The following NBEA variants were observed in gnomAD, a reference collection of about 807,000 sequenced individuals.
The protein encoded by NBEA is lysosomal-trafficking regulator 2.
Under a neutral mutation model 343.4 loss-of-function variants are expected in NBEA, and 44 were observed. The observed-to-expected ratio is 0.13, with a 90% CI of 0.10 to 0.16. NBEA has a LOEUF of 0.16. NBEA is among the 10% of genes least tolerant of loss of function. The pLI, the probability that NBEA is intolerant of heterozygous loss-of-function variation, is 1.00. For synonymous variants in NBEA, 1,175 were observed against 1,238.7 expected (o/e 0.95, Z 1.08); for missense variants, 2,555 against 3,631.3 (o/e 0.70, Z 7.62).
intron 33 of NBEA, among the ~76,000 whole-genome samples, chr13:35,215,355 C>CT (rs2074008171): frequency 6.6e-6 from 1 of 150,912 alleles, no homozygotes; most frequent in Non-Finnish European, 1.5e-5. Flanking sequence ...ATTTTTATGT[C>CT]TTTTTAAATT....
At chr13:35,231,190 G>T in intron 33 of NBEA, among the ~76,000 whole-genome samples, 1 of 152,194 alleles carries the variant, frequency 6.6e-6, no homozygotes, top group Admixed American at 6.6e-5. Context: ...AGGAGACAGA[G>T]TTAAACAGAA....
chr13:35,584,515 T>TG (rs909592230), intron 46 of NBEA, among the ~76,000 whole-genome samples: 7 of 151,586 alleles, frequency 4.6e-5, no homozygotes, highest in African/African-American at 1.7e-4. Context: ...TTTTTTTTTT[T>TG]TTGAGACAGA....
rs1457960493 is a variant in NBEA, at chr13:35,208,780, G to A, written c.5447G>A (p.Gly1816Glu). The A allele has an allele frequency of 1.2e-6, 2 of 1,611,224 alleles. No homozygotes were observed. The highest frequency in any genetic ancestry group is 3.3e-5 in the Admixed American group (2 of 59,790). The part of the protein sequence containing the change: ...TTVGATTAGS[G>E]LPTGSTSNIF... ...GTGGGAGCCACTACTGCTGGAAGTG[G>A]GCTGCCAACAGGCAGTACCTCTAAT... is the stretch of plus-strand genomic sequence containing the variant. The change falls in exon 32 of 59, where the codon GGG becomes GAG. Residue 1816 changes from glycine (G) to glutamate (E), a missense_variant. This residue lies in a region of NBEA where 270 missense variants were observed against 293.3 expected (regional missense o/e 0.92). Transcript: ENST00000379939.
At chr13:35,282,341 T>C (rs1410101656) in intron 34 of NBEA, among the ~76,000 whole-genome samples, 1 of 152,224 alleles carries the variant, frequency 6.6e-6, no homozygotes, top group East Asian at 1.9e-4. Flanking sequence ...CTTGAAATGA[T>C]GTGTACATGG....
chr13:35,096,536 T>C (rs778920456), intron 10 of NBEA, among the ~76,000 whole-genome samples: 19 of 151,912 alleles, frequency 1.3e-4, no homozygotes, highest in Non-Finnish European at 2.4e-4. Context: ...GGCGATTTAC[T>C]GTAAGAAATA....
intron 39 of NBEA, among the ~76,000 whole-genome samples, chr13:35,439,235 C>T (rs1021307931): frequency 2.0e-4 from 30 of 152,110 alleles, no homozygotes; most frequent in African/African-American, 7.0e-4. Flanking sequence ...CACGAAATAT[C>T]AATAGTACCG....
At chr13:35,628,620 A>T (rs554163) in intron 49 of NBEA, among the ~76,000 whole-genome samples, 66,691 of 152,134 alleles carry the variant, frequency 0.44, 16,434 homozygotes, top group Admixed American at 0.6. Flanking sequence ...TAAAAATAAC[A>T]GCACAAGTGC....
At chr13:34,975,831 C>G (rs980999340) in intron 1 of NBEA, among the ~76,000 whole-genome samples, 1 of 152,142 alleles carries the variant, frequency 6.6e-6, no homozygotes, top group African/African-American at 2.4e-5. Context: ...AAATGCTCAA[C>G]ATCACTTATT....
chr13:35,511,899 A>G (rs2077292450), intron 41 of NBEA, among the ~76,000 whole-genome samples: 1 of 152,212 alleles, frequency 6.6e-6, no homozygotes, highest in Admixed American at 6.5e-5. Context: ...ACAAAAAAGT[A>G]TGGTTGGAAA....
intron 41 of NBEA, among the ~76,000 whole-genome samples, chr13:35,481,347 T>G (rs1484517963): frequency 1.3e-5 from 2 of 151,868 alleles, no homozygotes; most frequent in Non-Finnish European, 3.0e-5. Context: ...TTTCTTTTGG[T>G]AGAAAAAGAA....
Position 35,343,933 on chromosome 13 carries a change from G to A in NBEA, c.5904-5175G>A, listed in dbSNP as rs146608548. Reference sequence around the variant, plus strand: ...ACAATAAATGTACTTGAATCATCTCGAAACCATCCCCTTCCACCCACACTG... The same window carrying A: ...ACAATAAATGTACTTGAATCATCTCAAAACCATCCCCTTCCACCCACACTG... On this transcript the variant is annotated intron_variant, in intron 36 of 58. Transcript: ENST00000379939. Among the ~76,000 whole-genome samples, 301 of 152,050 alleles carry A rather than the reference G, an allele frequency of 2.0e-3. 1 individual carries two copies. Among genetic ancestry groups the A allele is most frequent in the Middle Eastern group, 3.4e-3 (1 of 294 alleles).
intron 14 of NBEA, among the ~76,000 whole-genome samples, 189 bp from the exon 15 acceptor site, chr13:35,118,039 A>G: frequency 6.6e-6 from 1 of 152,080 alleles, no homozygotes; most frequent in South Asian, 2.1e-4. Flanking sequence ...AAATTGATAT[A>G]ATTTTCTAAA....
intron 34 of NBEA, among the ~76,000 whole-genome samples, chr13:35,235,571 G>A (rs1190865364): frequency 1.3e-5 from 2 of 152,146 alleles, no homozygotes; most frequent in South Asian, 2.1e-4. Flanking sequence ...CCAGAGCAAA[G>A]GCACAATTAT....
At chr13:35,195,149 TA>T (rs1247336280) in intron 30 of NBEA, among the ~76,000 whole-genome samples, 14 of 152,242 alleles carry the variant, frequency 9.2e-5, no homozygotes, top group African/African-American at 3.4e-4. Context: ...AATGACTTTA[TA>T]TTTTTAAGGA....
chr13:35,475,260 C>A, intron 41 of NBEA: 2 of 1,614,038 alleles, frequency 1.2e-6, no homozygotes, highest in Non-Finnish European at 1.7e-6. Context: ...CCAGGCAAGA[C>A]TCGTCCCAGT....
chr13:35,461,408 C>T (rs2046897547), intron 40 of NBEA, among the ~76,000 whole-genome samples: 1 of 152,088 alleles, frequency 6.6e-6, no homozygotes, highest in African/African-American at 2.4e-5. Context: ...AATTTATAGT[C>T]ATACTGTCTA....
intron 43 of NBEA, among the ~76,000 whole-genome samples, chr13:35,553,932 G>T (rs1246031688): frequency 6.6e-6 from 1 of 152,148 alleles, no homozygotes. Flanking sequence ...TGAGAAACTG[G>T]TGTTTGGTGG....
At chr13:35,119,912 G>C (rs887903078) in intron 16 of NBEA, among the ~76,000 whole-genome samples, 1 of 152,088 alleles carries the variant, frequency 6.6e-6, no homozygotes, top group African/African-American at 2.4e-5. Flanking sequence ...TCTAGAGTTT[G>C]AGCTATATGA....
At position 34,944,909 on chromosome 13, in the gene NBEA, TGCAGCAGTA is replaced by T. The variant is rs140181877; in HGVS notation, c.294+1799_294+1807del. Among the ~76,000 whole-genome samples the T allele has an allele frequency of 9.6e-3, 1,465 of 152,310 alleles. 20 individuals carry two copies. Among genetic ancestry groups the T allele is most frequent in the African/African-American group, 0.034 (1,412 of 41,568 alleles). On this transcript the variant is annotated intron_variant, in intron 1 of 58. Coordinates refer to ENST00000379939, the MANE Select transcript of NBEA (RefSeq NM_001385012.1). ...TTGAATGTATAACCAGTTTGGACTCTGCAGCAGTAGCAATGTGTGCTGAATCAGTTCTTA... is the reference window on the plus strand; with the variant it reads ...TTGAATGTATAACCAGTTTGGACTCTGCAATGTGTGCTGAATCAGTTCTTA...
Sources: allele counts gnomAD v4.1 joint callset (sites outside exome capture counted in the v4.1 genomes callset), GRCh38; gene constraint gnomAD v4.1.1; regional missense constraint gnomAD v4.1.1; transcripts MANE v1.5; gene names NCBI Gene and HGNC (gene_info 2026-07-23, HGNC 2026-07-21).